The following PNRC1 variants were observed in gnomAD, a reference collection of about 807,000 sequenced individuals.
The protein encoded by PNRC1 is proline-rich nuclear receptor coactivator 1.
A neutral mutation model predicts 20.2 loss-of-function variants in PNRC1; 6 were observed. The observed-to-expected ratio is 0.30, with a 90% CI of 0.16 to 0.59. The LOEUF (loss-of-function observed/expected upper bound fraction) is 0.59. Ranked by LOEUF, PNRC1 falls within the 20% of genes least tolerant of loss-of-function variation. PNRC1 has a pLI of 0.89. For missense variants in PNRC1, 488 were observed against 430.2 expected (o/e 1.13, Z -1.19); for synonymous variants, 202 against 186.9 (o/e 1.08, Z -0.66).
rs1258252053 is a variant in PNRC1 at position 89,084,813 on chromosome 6, T to G, written c.*617T>G. The G allele has an allele frequency of 6.6e-6, 1 of 152,300 alleles. No individual in the cohort carries two copies. Among genetic ancestry groups the G allele is most frequent in the Non-Finnish European group, 1.5e-5 (1 of 68,040 alleles). 9.4% of individuals were successfully genotyped at this position (152,300 alleles called of 1,614,324 possible). A position where few individuals can be genotyped will look rare whatever the true frequency, so the allele number is the denominator to read the frequency against. Reference sequence around the variant, plus strand: ...TGGTTGTAATCAAATTTTAAAATAATAATAATTTGGCCCCCCCTTTTAAAA... The same window carrying G: ...TGGTTGTAATCAAATTTTAAAATAAGAATAATTTGGCCCCCCCTTTTAAAA... On this transcript the variant is annotated 3_prime_UTR_variant, in exon 2 of 2. Coordinates refer to ENST00000336032, the MANE Select transcript of PNRC1 (RefSeq NM_006813.3).
rs1582234934 is a variant in PNRC1, at chr6:89,081,099, A to C, written c.205A>C (p.Thr69Pro). ...CCTAGGGGGAGATGGCCCGTGTCTGACCCCCCAGCCTCGCGCTCCAGCAGC... is the reference window on the plus strand; with the variant it reads ...CCTAGGGGGAGATGGCCCGTGTCTGCCCCCCCAGCCTCGCGCTCCAGCAGC... ...HFLGGDGPCLTPQPRAPAALP... is the reference protein window; with the variant it reads ...HFLGGDGPCLPPQPRAPAALP... The change falls in exon 1 of 2, where the codon ACC becomes CCC. Residue 69 changes from threonine (T) to proline (P), a missense_variant. By Grantham distance (38) the Thr-to-Pro change is conservative. Transcript: ENST00000336032. 1 of 1,607,840 alleles carries C rather than the reference A, an allele frequency of 6.2e-7. No homozygotes were observed.
Position 89,080,809 on chromosome 6 carries a change from G to C in PNRC1, c.-86G>C. 7.7e-7 allele frequency: 1 copy of C among 1,307,170 alleles called. No homozygotes were observed. The highest frequency in any genetic ancestry group is 1.1e-6 in the Non-Finnish European group (1 of 921,748). The allele number at this position is 1,307,170 out of a possible 1,614,324, so 81.0% of individuals were successfully genotyped here. On this transcript the variant is annotated 5_prime_UTR_variant, in exon 1 of 2. Coordinates refer to ENST00000336032, the MANE Select transcript of PNRC1 (RefSeq NM_006813.3). ...GCGATCTTCTCAGGCTCTCCTAGCA[G>C]CATCCATCGCCGCCACCCTATCTTC...
Position 89,081,372 on chromosome 6 carries a change from G to A in PNRC1, c.478G>A (p.Ala160Thr). Residue 160 changes from alanine to threonine, a missense_variant, in exon 1 of 2, where the codon GCC becomes ACC. By Grantham distance (58) the Ala-to-Thr change is moderately conservative (BLOSUM62 0). Coordinates refer to ENST00000336032, the MANE Select transcript of PNRC1 (RefSeq NM_006813.3). ...TGCAGCCGCAGCCGGCACGGAGGGA[G>A]CCAGCCCCGACCTTGCCCCGCTGCG... ...SPAAAAGTEGASPDLAPLRPA... is the reference protein window; with the variant it reads ...SPAAAAGTEGTSPDLAPLRPA... 1 of 1,419,828 alleles carries A rather than the reference G, an allele frequency of 7.0e-7. No individual in the cohort carries two copies. The highest frequency in any genetic ancestry group is 9.1e-7 in the Non-Finnish European group (1 of 1,097,838). 88.0% of individuals were successfully genotyped at this position (1,419,828 alleles called of 1,614,324 possible).
Position 89,083,795 on chromosome 6 carries a change from C to A in PNRC1, c.583C>A (p.Pro195Thr), listed in dbSNP as rs952546823. Residue 195 changes from proline (P) to threonine (T), a missense_variant, in exon 2 of 2, where the codon CCC (proline) becomes ACC (threonine). Coordinates refer to ENST00000336032, the MANE Select transcript of PNRC1 (RefSeq NM_006813.3). ...GGGAAAATCGGAGAAAATTGCCCTT[C>A]CCCATGGCCAGCTTGTTCATGGTAT... ...KMGKSEKIALPHGQLVHGIHL... is the reference protein window; with the variant it reads ...KMGKSEKIALTHGQLVHGIHL... 1 of 1,592,406 alleles carries A rather than the reference C, an allele frequency of 6.3e-7. No homozygotes were observed. Among genetic ancestry groups the A allele is most frequent in the Non-Finnish European group, 8.5e-7 (1 of 1,172,552 alleles).
intron 1 of PNRC1, 142 bp from the exon 2 acceptor site, chr6:89,083,611 G>A (rs984030942): frequency 3.3e-6 from 2 of 610,860 alleles, no homozygotes; most frequent in Admixed American, 3.4e-5. Context: ...AGCTACATAC[G>A]TGTTGTCACA....
At chr6:89,083,604 T>A in intron 1 of PNRC1, 149 bp from the exon 2 acceptor site, 2 of 595,270 alleles carry the variant, frequency 3.4e-6, no homozygotes, top group East Asian at 5.8e-5. Context: ...GGCCCCCAGC[T>A]ACATACGTGT....
In PNRC1 at chr6:89,084,383, T is replaced by A. The variant is rs1360452051; in HGVS notation, c.*187T>A. On this transcript the variant is annotated 3_prime_UTR_variant, in exon 2 of 2. Transcript: ENST00000336032. ...TGTAAATACTGTATACCATGTATTATGTGTATATTGTTCATACTTGAGAGG... is the reference window on the plus strand; with the variant it reads ...TGTAAATACTGTATACCATGTATTAAGTGTATATTGTTCATACTTGAGAGG... The A allele has an allele frequency of 1.9e-6, 1 of 516,812 alleles. No homozygotes were observed. The highest frequency in any genetic ancestry group is 3.3e-5 in the East Asian group (1 of 30,274). 32.0% of individuals were successfully genotyped at this position (516,812 alleles called of 1,614,324 possible). A position where few individuals can be genotyped will look rare whatever the true frequency, so the allele number is the denominator to read the frequency against.
Position 89,084,029 on chromosome 6 carries a change from G to C in PNRC1, c.817G>C (p.Val273Leu). ...GAAGAAATCAGCATTTCTAACTGAA[G>C]TGAGCCAAAAGGAAAATTATGCTGG... ...HLKKSAFLTE[V>L]SQKENYAGAK... The change falls in exon 2 of 2, where the codon GTG becomes CTG. Residue 273 changes from valine (V) to leucine (L), a missense_variant. By Grantham distance (32) the Val-to-Leu change is conservative. Transcript: ENST00000336032. The C allele has an allele frequency of 1.2e-6, 2 of 1,614,118 alleles. No individual in the cohort carries two copies. Among genetic ancestry groups the C allele is most frequent in the Non-Finnish European group, 1.7e-6 (2 of 1,180,018 alleles).
rs1222963790 is a variant in PNRC1, at chr6:89,081,317, G to C, written c.423G>C (p.Pro141=). The C allele has an allele frequency of 6.8e-7, 1 of 1,467,968 alleles. No homozygotes were observed. The highest frequency in any genetic ancestry group is 2.6e-5 in the Admixed American group (1 of 39,116). The allele number at this position is 1,467,968 out of a possible 1,614,324, so 90.9% of individuals were successfully genotyped here. A position where few individuals can be genotyped will look rare whatever the true frequency, so the allele number is the denominator to read the frequency against. ...ATGPSGAQEV[P]GPAAALAPSP... ...GCCCGAGCGGAGCGCAGGAGGTCCC[G>C]GGCCCGGCCGCCGCCTTGGCCCCGA... Residue 141 remains proline, a synonymous_variant, in exon 1 of 2, where the codon CCG becomes CCC. Transcript: ENST00000336032.
rs1163293214 is a variant in PNRC1, at chr6:89,081,446, AG to A, written c.540+17del. On this transcript the variant is annotated intron_variant, in intron 1 of 1. Transcript: ENST00000336032. The stretch of plus-strand genomic sequence containing the variant: ...CCCTCAGGAAAGAGGTGAGGCCGCC[AG>A]GGGGCCGTTGGGGAGTCGGGCCCTT... 3 of 1,148,160 alleles carry A rather than the reference AG, an allele frequency of 2.6e-6. No individual in the cohort carries two copies. The highest frequency in any genetic ancestry group is 5.2e-5 in the East Asian group (1 of 19,120). The allele number at this position is 1,148,160 out of a possible 1,614,324, so 71.1% of individuals were successfully genotyped here.
Position 89,084,040 on chromosome 6 carries a change from G to C in PNRC1, c.828G>C (p.Lys276Asn), listed in dbSNP as rs1365771398. 6.2e-7 allele frequency: 1 copy of C among 1,614,100 alleles called. No individual in the cohort carries two copies. The highest frequency in any genetic ancestry group is 8.5e-7 in the Non-Finnish European group (1 of 1,179,998). The change falls in exon 2 of 2, where the codon AAG becomes AAC. Residue 276 changes from lysine to asparagine, a missense_variant. Coordinates refer to ENST00000336032, the MANE Select transcript of PNRC1 (RefSeq NM_006813.3). ...KSAFLTEVSQ[K>N]ENYAGAKFSD... ...CATTTCTAACTGAAGTGAGCCAAAA[G>C]GAAAATTATGCTGGGGCAAAGTTTA...
Position 89,080,857 on chromosome 6 carries a change from TTCTC to T in PNRC1, c.-34_-31del. 6 of 1,598,092 alleles carry T rather than the reference TTCTC, an allele frequency of 3.8e-6. No homozygotes were observed. Among genetic ancestry groups the T allele is most frequent in the Non-Finnish European group, 5.1e-6 (6 of 1,174,566 alleles). On this transcript the variant is annotated 5_prime_UTR_variant, in exon 1 of 2. Transcript: ENST00000336032. ...TTCACTGGCTTCATTCACCTTCTCC[TTCTC>T]TCTTCGTTGCTGAGCGACAAGCTTC...
Position 89,081,141 on chromosome 6 carries a change from C to G in PNRC1, c.247C>G (p.Leu83Val), listed in dbSNP as rs373772027. Residue 83 changes from leucine (L) to valine (V), a missense_variant, in exon 1 of 2, where the codon CTC (leucine) becomes GTC (valine). Physicochemically the swap from Leu to Val is conservative, Grantham distance 32 (BLOSUM62 1). Transcript: ENST00000336032. ...TCCAGCAGCTCTGCCCAACCGCAGC[C>G]TCGCCGTGGCGGGAGGCACTCCTCG... Reference protein sequence around the residue: ...RAPAALPNRSLAVAGGTPRAA... With the variant: ...RAPAALPNRSVAVAGGTPRAA... The G allele has an allele frequency of 6.2e-6, 10 of 1,604,774 alleles. No individual in the cohort carries two copies. The South Asian group carries it at 7.7e-5, about 12-fold the overall frequency.
At chr6:89,081,743 G>C (rs111646857) in intron 1 of PNRC1, 40 of 195,304 alleles carry the variant, frequency 2.0e-4, no homozygotes, top group African/African-American at 7.9e-4. Context: ...TCGGCGTTCC[G>C]GGCGCGCGGC....
rs1488167147 is a variant in PNRC1 at position 89,080,806 on chromosome 6, G to A, written c.-89G>A. ...TCCGCGATCTTCTCAGGCTCTCCTA[G>A]CAGCATCCATCGCCGCCACCCTATC... On this transcript the variant is annotated 5_prime_UTR_variant, in exon 1 of 2. An upstream open reading frame in the 5' UTR loses its in-frame stop. Transcript: ENST00000336032. 1.2e-5 allele frequency: 15 copies of A among 1,285,398 alleles called. No homozygotes were observed. Among genetic ancestry groups the A allele is most frequent in the African/African-American group, 1.5e-5 (1 of 68,304 alleles). The allele number at this position is 1,285,398 out of a possible 1,614,324, so 79.6% of individuals were successfully genotyped here.
chr6:89,085,065 G>A lies in PNRC1; in HGVS notation c.*869G>A, dbSNP rs1483774147. On this transcript the variant is annotated 3_prime_UTR_variant, in exon 2 of 2. Transcript: ENST00000336032. Reference sequence around the variant, plus strand: ...GAGCATCTCTTGAGCCTGAGAAGTGGAGATTGCAATTGAGCTAGGATCAGG... The same window carrying A: ...GAGCATCTCTTGAGCCTGAGAAGTGAAGATTGCAATTGAGCTAGGATCAGG... The A allele has an allele frequency of 2.6e-5, 4 of 152,176 alleles. No individual in the cohort carries two copies. The highest frequency in any genetic ancestry group is 4.8e-5 in the African/African-American group (2 of 41,432). 9.4% of individuals were successfully genotyped at this position (152,176 alleles called of 1,614,324 possible).
At position 89,085,032 on chromosome 6, in the gene PNRC1, T is replaced by C. The variant is rs915604007; in HGVS notation, c.*836T>C. The stretch of plus-strand genomic sequence containing the variant: ...CATAGTACTTGACTACTCTAGAGGC[T>C]GAGACGGGAGCATCTCTTGAGCCTG... On this transcript the variant is annotated 3_prime_UTR_variant, in exon 2 of 2. Transcript: ENST00000336032. The C allele has an allele frequency of 2.6e-5, 4 of 152,272 alleles. No individual in the cohort carries two copies. Among genetic ancestry groups the C allele is most frequent in the African/African-American group, 9.6e-5 (4 of 41,538 alleles). The allele number at this position is 152,272 out of a possible 1,614,324, so 9.4% of individuals were successfully genotyped here. A position where few individuals can be genotyped will look rare whatever the true frequency, so the allele number is the denominator to read the frequency against.
rs1768055019 is a variant in PNRC1, at chr6:89,083,827, G to C, written c.615G>C (p.Leu205Phe). ...PHGQLVHGIH[L>F]YEQPKINRQK... ...GCCAGCTTGTTCATGGTATACACTT[G>C]TATGAGCAACCAAAGATAAACAGAC... Residue 205 changes from leucine (L) to phenylalanine (F), a missense_variant, in exon 2 of 2, where the codon TTG (leucine) becomes TTC (phenylalanine). Transcript: ENST00000336032. The C allele has an allele frequency of 6.2e-7, 1 of 1,613,838 alleles. No individual in the cohort carries two copies. The highest frequency in any genetic ancestry group is 8.5e-7 in the Non-Finnish European group (1 of 1,179,946).
intron 1 of PNRC1, chr6:89,081,754 G>C (rs977363699): frequency 2.5e-4 from 46 of 184,344 alleles, no homozygotes; most frequent in Middle Eastern, 4.1e-3. Context: ...GGCGCGCGGC[G>C]GGGTGGGGGC....
Sources: gnomAD v4.1 joint callset for allele counts on GRCh38, gnomAD v4.1.1 for gene constraint, MANE v1.5 for transcripts, NCBI Gene and HGNC (gene_info 2026-07-23, HGNC 2026-07-21) for gene names.